PKP4: variants seen among roughly 807,000 people sequenced by gnomAD.
PKP4 encodes plakophilin-4.
A neutral mutation model predicts 145.1 loss-of-function variants in PKP4; 90 were observed. The observed-to-expected ratio is 0.62, with a 90% CI of 0.52 to 0.74. The LOEUF (loss-of-function observed/expected upper bound fraction) is 0.74, where lower values mean the gene tolerates loss of function less well. Ranked by LOEUF, PKP4 falls within the 30% of genes least tolerant of loss-of-function variation. The pLI is 0.00. For synonymous variants in PKP4, 563 were observed against 577.2 expected (o/e 0.98, Z 0.35); for missense variants, 1,340 against 1,482.7 (o/e 0.90, Z 1.58).
At chr2:158,567,517 A>T (rs1212957130) in intron 2 of PKP4, among the ~76,000 whole-genome samples, 2 of 152,166 alleles carry the variant, frequency 1.3e-5, no homozygotes, top group African/African-American at 2.4e-5. Context: ...ACAGATTGAG[A>T]TGATTTCAAA....
rs548468145 is a variant in PKP4 at position 158,528,564 on chromosome 2, C to T, written c.-5-4616C>T. 1.8e-3 allele frequency among the ~76,000 whole-genome samples: 229 copies of T among 128,468 alleles called. 1 individual carries two copies. The highest frequency in any genetic ancestry group is 4.0e-3 in the Middle Eastern group (1 of 250). The allele number at this position is 128,468 out of a possible 152,430, so 84.3% of individuals were successfully genotyped here. ...TGACGAGTTAGTGGGTGCAGCGCACCAGCATGGCACATGTATACATATGTA... is the reference window on the plus strand; with the variant it reads ...TGACGAGTTAGTGGGTGCAGCGCACTAGCATGGCACATGTATACATATGTA... On this transcript the variant is annotated intron_variant, in intron 1 of 21. Transcript: ENST00000389759.
chr2:158,664,993 C>A (rs2056949747), intron 15 of PKP4, among the ~76,000 whole-genome samples: 1 of 152,146 alleles, frequency 6.6e-6, no homozygotes, highest in Admixed American at 6.5e-5. Flanking sequence ...TTTAGAAGTT[C>A]ATGTCTGGGA....
chr2:158,625,525 C>T (rs952945338), intron 7 of PKP4, 98 bp downstream of exon 7: 71 of 1,014,392 alleles, frequency 7.0e-5, no homozygotes, highest in Middle Eastern at 3.2e-4. Flanking sequence ...AAGGCTCATT[C>T]GTGTTTTTAA....
At chr2:158,606,137 C>A (rs563440569) in intron 4 of PKP4, among the ~76,000 whole-genome samples, 1 of 152,228 alleles carries the variant, frequency 6.6e-6, no homozygotes, top group Admixed American at 6.5e-5. Context: ...AGTGGAATTG[C>A]TAGGTCACAT....
At chr2:158,668,953 C>T (rs1413131482) in intron 16 of PKP4, among the ~76,000 whole-genome samples, 4 of 152,166 alleles carry the variant, frequency 2.6e-5, no homozygotes, top group Non-Finnish European at 5.9e-5. Context: ...AGTTGGTAAT[C>T]GAAGTTGAAA....
At chr2:158,645,668 C>T (rs562188807) in intron 11 of PKP4, among the ~76,000 whole-genome samples, 12 of 152,254 alleles carry the variant, frequency 7.9e-5, no homozygotes, top group Admixed American at 6.5e-4. Flanking sequence ...CATCATGACT[C>T]GATCCTTACA....
rs769112136 is a variant in PKP4, at chr2:158,680,703, C to CT, written c.*29dup. 1.3e-6 allele frequency: 2 copies of CT among 1,576,576 alleles called. No individual in the cohort carries two copies. Among genetic ancestry groups the CT allele is most frequent in the Non-Finnish European group, 1.7e-6 (2 of 1,163,208 alleles). ...CATCAAGATGCCCAACAGAGGAACT[C>CT]TTTCTTTCTAACCTTGTTCAGATTG... On this transcript the variant is annotated 3_prime_UTR_variant, in exon 22 of 22. Coordinates refer to ENST00000389759, the MANE Select transcript of PKP4 (RefSeq NM_003628.6).
rs777485246 is a variant in PKP4 at position 158,661,318 on chromosome 2, T to C, written c.2094-15T>C. The C allele has an allele frequency of 1.3e-6, 2 of 1,593,662 alleles. No homozygotes were observed. The highest frequency in any genetic ancestry group is 1.7e-6 in the Non-Finnish European group (2 of 1,162,138). On this transcript the variant is annotated splice_polypyrimidine_tract_variant and intron_variant, in intron 12 of 21. Transcript: ENST00000389759. ...TGGTTCATCTCAGCAGCTCCTCCTG[T>C]CTCCACCCCTTTAGGAACCTCAGCT...
At position 158,475,696 on chromosome 2, in the gene PKP4, G is replaced by A. The variant is rs558975586; in HGVS notation, c.-6+18478G>A. Reference sequence around the variant, plus strand: ...CTTAGTTGGGATATCTTTGAGGTGTGTTCTTTGTAGTCTGGCAGAAGTGCC... The same window carrying A: ...CTTAGTTGGGATATCTTTGAGGTGTATTCTTTGTAGTCTGGCAGAAGTGCC... On this transcript the variant is annotated intron_variant, in intron 1 of 21. Transcript: ENST00000389759. 3.3e-5 allele frequency among the ~76,000 whole-genome samples: 5 copies of A among 152,282 alleles called. No individual in the cohort carries two copies. In the South Asian group the frequency reaches 8.3e-4, roughly 25 times the overall value.
chr2:158,605,268 CAA>C (rs975883407), intron 4 of PKP4, among the ~76,000 whole-genome samples: 1 of 152,280 alleles, frequency 6.6e-6, no homozygotes, highest in East Asian at 1.9e-4. Context: ...TAAGCTCTTG[CAA>C]AGTGTCTCTT....
At chr2:158,649,727 ATCAG>A (rs2105948965) in intron 11 of PKP4, among the ~76,000 whole-genome samples, 1 of 152,344 alleles carries the variant, frequency 6.6e-6, no homozygotes, top group South Asian at 2.1e-4. Flanking sequence ...GTATTCAAAC[ATCAG>A]TCAGAGTGGA....
At chr2:158,474,753 C>T (rs2105414565) in intron 1 of PKP4, among the ~76,000 whole-genome samples, 1 of 152,216 alleles carries the variant, frequency 6.6e-6, no homozygotes, top group South Asian at 2.1e-4. Context: ...CTAGCTGCTG[C>T]TCCCCTCCCC....
Position 158,631,957 on chromosome 2 carries a change from GT to G in PKP4, c.1342+19del. 1 of 1,610,424 alleles carries G rather than the reference GT, an allele frequency of 6.2e-7. No homozygotes were observed. Among genetic ancestry groups the G allele is most frequent in the Non-Finnish European group, 8.5e-7 (1 of 1,177,878 alleles). ...ACAGGTTCAGGTGGGCATCAACTCT[GT>G]TTACTGGTTTCCTGATTTCATAGGC... On this transcript the variant is annotated intron_variant, in intron 8 of 21. Coordinates refer to ENST00000389759, the MANE Select transcript of PKP4 (RefSeq NM_003628.6).
At chr2:158,458,524 TG>T (rs1689242570) in intron 1 of PKP4, among the ~76,000 whole-genome samples, 2 of 152,332 alleles carry the variant, frequency 1.3e-5, no homozygotes, top group African/African-American at 4.8e-5. Context: ...GGATAGTGCC[TG>T]GTTTTCACTA....
At chr2:158,458,896 G>A (rs1461477578) in intron 1 of PKP4, among the ~76,000 whole-genome samples, 1 of 151,854 alleles carries the variant, frequency 6.6e-6, no homozygotes, top group Non-Finnish European at 1.5e-5. Context: ...ATTTATTAGT[G>A]GAGGTCTCAG....
intron 7 of PKP4, among the ~76,000 whole-genome samples, chr2:158,630,663 C>T (rs1021478006): frequency 5.3e-5 from 8 of 152,134 alleles, no homozygotes; most frequent in Non-Finnish European, 7.3e-5. Flanking sequence ...CAAAGAGGTG[C>T]GAGATGGTGG....
At chr2:158,598,668 C>T (rs1270284427) in intron 3 of PKP4, among the ~76,000 whole-genome samples, 1 of 152,082 alleles carries the variant, frequency 6.6e-6, no homozygotes, top group Non-Finnish European at 1.5e-5. Context: ...ACTTGGGAGG[C>T]TGAGGGAGGA....
chr2:158,522,658 C>A (rs1160001480), intron 1 of PKP4, among the ~76,000 whole-genome samples: 4 of 152,216 alleles, frequency 2.6e-5, no homozygotes, highest in African/African-American at 9.6e-5. Context: ...CAGCTCCGGT[C>A]TACAGCTCCC....
chr2:158,668,770 A>G (rs527624548), intron 16 of PKP4, among the ~76,000 whole-genome samples: 3 of 152,344 alleles, frequency 2.0e-5, no homozygotes, highest in East Asian at 3.9e-4. Flanking sequence ...CGTGCTGTAC[A>G]TCACACAGCA....
Sources: gnomAD v4.1 joint callset for allele counts (sites outside exome capture counted in the v4.1 genomes callset) on GRCh38, gnomAD v4.1.1 for gene constraint, MANE v1.5 for transcripts, NCBI Gene and HGNC (gene_info 2026-07-23, HGNC 2026-07-21) for gene names.